SNRPE: variants seen among roughly 807,000 people sequenced by gnomAD.
The protein encoded by SNRPE is small nuclear ribonucleoprotein polypeptide E.
For missense variants in SNRPE, 53 were observed against 111.6 expected, an observed-to-expected ratio of 0.48 and a Z score of 2.36; for synonymous variants, 35 against 36.7, an observed-to-expected ratio of 0.95 and a Z score of 0.17.
chr1:203,868,885 G>A (rs1690150091), intron 4 of SNRPE, among the ~76,000 whole-genome samples: 1 of 152,116 alleles, frequency 6.6e-6, no homozygotes. Flanking sequence ...GTCCAGGCTG[G>A]TCTCGAATCC....
chr1:203,863,256 A>G (rs1179949292), intron 2 of SNRPE, among the ~76,000 whole-genome samples: 1 of 151,876 alleles, frequency 6.6e-6, no homozygotes, highest in Non-Finnish European at 1.5e-5. Context: ...CTGGCCACAA[A>G]GCGAATTATT....
chr1:203,861,911 G>A (rs946752300), intron 1 of SNRPE, 198 bp downstream of exon 1: 18 of 620,806 alleles, frequency 2.9e-5, no homozygotes, highest in African/African-American at 2.2e-4. Flanking sequence ...CCTGCCGTGG[G>A]GAATGCAGGA....
rs374418268 is a variant in SNRPE at position 203,861,647 on chromosome 1, G to T, written c.-13G>T. 21 of 1,611,120 alleles carry T rather than the reference G, an allele frequency of 1.3e-5. No homozygotes were observed. The highest frequency in any genetic ancestry group is 8.3e-5 in the Admixed American group (5 of 60,012). ...GAGGCAGCGTGCGGGTGTGCTCTTT[G>T]TGAAATTCCACCATGGCGTACCGTG... On this transcript the variant is annotated 5_prime_UTR_variant, in exon 1 of 5. Coordinates refer to ENST00000414487, the MANE Select transcript of SNRPE (RefSeq NM_003094.4).
intron 4 of SNRPE, among the ~76,000 whole-genome samples, chr1:203,867,819 C>G (rs549411826): frequency 6.6e-6 from 1 of 152,106 alleles, no homozygotes; most frequent in African/African-American, 2.4e-5. Context: ...GGAAGCCCTG[C>G]TCTAAAAAGT....
intron 4 of SNRPE, among the ~76,000 whole-genome samples, chr1:203,868,990 G>A (rs1690152737): frequency 2.0e-5 from 3 of 152,166 alleles, no homozygotes; most frequent in South Asian, 4.1e-4. Context: ...ATTTAAAGAT[G>A]TCTTGCCAGG....
chr1:203,866,496 A>G lies in SNRPE; in HGVS notation c.223+1377A>G, dbSNP rs372912315. 1.8e-4 allele frequency among the ~76,000 whole-genome samples: 27 copies of G among 152,292 alleles called. 1 individual carries two copies. In the South Asian group the frequency reaches 5.0e-3, roughly 28 times the overall value. On this transcript the variant is annotated intron_variant, in intron 4 of 4. Transcript: ENST00000414487. The stretch of plus-strand genomic sequence containing the variant: ...ATTTGTTTGTCTGGGCCTATTCACC[A>G]TTTCTACTTGAATGTTTCAAAGGCT...
At chr1:203,861,843 C>A in intron 1 of SNRPE, 130 bp downstream of exon 1, 2 of 775,046 alleles carry the variant, frequency 2.6e-6, no homozygotes, top group East Asian at 2.5e-5. Context: ...GCTACCAAGA[C>A]TGGAAGAAAG....
chr1:203,862,331 T>C lies in SNRPE; in HGVS notation c.81+109T>C, dbSNP rs534297189. 69 of 793,622 alleles carry C rather than the reference T, an allele frequency of 8.7e-5. No individual in the cohort carries two copies. The South Asian group carries it at 9.8e-4, about 11-fold the overall frequency. 49.2% of individuals were successfully genotyped at this position (793,622 alleles called of 1,614,324 possible). ...GTGTTCTAGAATTTAAAAATAGATG[T>C]AACTGGAGATTGGAGGGTAATTGAG... On this transcript the variant is annotated intron_variant, in intron 2 of 4. Transcript: ENST00000414487.
At chr1:203,865,843 T>C (rs1690076348) in intron 4 of SNRPE, among the ~76,000 whole-genome samples, 1 of 152,240 alleles carries the variant, frequency 6.6e-6, no homozygotes, top group Non-Finnish European at 1.5e-5. Context: ...TTTACTGGTC[T>C]GTTATAAAGG....
At position 203,861,653 on chromosome 1, in the gene SNRPE, T is replaced by C; in HGVS notation, c.-7T>C. 1.2e-6 allele frequency: 2 copies of C among 1,612,028 alleles called. No individual in the cohort carries two copies. The highest frequency in any genetic ancestry group is 1.7e-6 in the Non-Finnish European group (2 of 1,178,094). On this transcript the variant is annotated 5_prime_UTR_variant, in exon 1 of 5. Coordinates refer to ENST00000414487, the MANE Select transcript of SNRPE (RefSeq NM_003094.4). Reference sequence around the variant, plus strand: ...GCGTGCGGGTGTGCTCTTTGTGAAATTCCACCATGGCGTACCGTGGCCAGG... The same window carrying C: ...GCGTGCGGGTGTGCTCTTTGTGAAACTCCACCATGGCGTACCGTGGCCAGG...
At chr1:203,862,254 TTAAA>T in intron 2 of SNRPE, 32 bp downstream of exon 2, 1 of 1,516,040 alleles carries the variant, frequency 6.6e-7, no homozygotes, top group Non-Finnish European at 9.2e-7. Flanking sequence ...TAACTACTTT[TTAAA>T]TAAGAGGTGA....
chr1:203,862,090 C>T, intron 1 of SNRPE, 106 bp from the exon 2 acceptor site: 1 of 889,588 alleles, frequency 1.1e-6, no homozygotes, highest in Non-Finnish European at 1.9e-6. Flanking sequence ...AGCACCAGAC[C>T]TCGCGTTTAG....
intron 4 of SNRPE, among the ~76,000 whole-genome samples, chr1:203,869,289 C>CTTGTTTTTT (rs1690161785): frequency 1.5e-5 from 1 of 66,814 alleles, no homozygotes; most frequent in African/African-American, 6.0e-5. Context: ...AGGATGGAGT[C>CTTGTTTTTT]TTTTTTTTTT....
At chr1:203,864,994 T>G in intron 3 of SNRPE, 47 bp from the exon 4 acceptor site, 1 of 1,581,306 alleles carries the variant, frequency 6.3e-7, no homozygotes, top group East Asian at 2.3e-5. Flanking sequence ...TTTAAAATGG[T>G]TTGAATGTGA....
intron 1 of SNRPE, chr1:203,861,934 A>G (rs939166145): frequency 1.1e-5 from 7 of 614,060 alleles, no homozygotes; most frequent in African/African-American, 7.4e-5. Context: ...GGACGCGGCA[A>G]AAGGAGGGAA....
chr1:203,862,234 G>T lies in SNRPE; in HGVS notation c.81+12G>T, dbSNP rs370467128. 1.0e-5 allele frequency: 16 copies of T among 1,594,726 alleles called. No homozygotes were observed. In the African/African-American group the frequency reaches 2.0e-4, roughly 20 times the overall value. On this transcript the variant is annotated intron_variant, in intron 2 of 4. Transcript: ENST00000414487. ...GATACTTACAAAATGTACGTAAGTT[G>T]CTTGTTTCGTAACTACTTTTTAAAT...
In SNRPE at chr1:203,869,378, C is replaced by T. The variant is rs1284483500; in HGVS notation, c.224-499C>T. The stretch of plus-strand genomic sequence containing the variant: ...CTGGAGTGCAATGGTGCCATCTTGG[C>T]TCACTGCAACCTCCGCCTCCCGGAT... On this transcript the variant is annotated intron_variant, in intron 4 of 4. Coordinates refer to ENST00000414487, the MANE Select transcript of SNRPE (RefSeq NM_003094.4). Among the ~76,000 whole-genome samples, 3 of 138,966 alleles carry T rather than the reference C, an allele frequency of 2.2e-5. No homozygotes were observed. In the Admixed American group the frequency reaches 2.4e-4, roughly 11 times the overall value. The allele number at this position is 138,966 out of a possible 152,430, so 91.2% of individuals were successfully genotyped here. A position where few individuals can be genotyped will look rare whatever the true frequency, so the allele number is the denominator to read the frequency against.
intron 4 of SNRPE, among the ~76,000 whole-genome samples, chr1:203,865,440 C>T (rs1355566986): frequency 1.3e-5 from 2 of 152,110 alleles, no homozygotes; most frequent in Non-Finnish European, 2.9e-5. Context: ...GCTTTGTTCC[C>T]GTGTCTGAGT....
In SNRPE at chr1:203,861,708, C is replaced by T; in HGVS notation, c.49C>T (p.Pro17Ser). The change falls in exon 1 of 5, where the codon CCC becomes TCC. Residue 17 changes from proline to serine, a missense_variant. Physicochemically the swap from Pro to Ser is moderately conservative, Grantham distance 74. Transcript: ENST00000414487. ...GQKVQKVMVQ[P>S]INLIFRYLQN... is the part of the protein sequence containing the mutation. ...GAAAGTGCAGAAGGTTATGGTGCAG[C>T]CCATCGTATCCTACGCAGGATGTCA... The T allele has an allele frequency of 1.2e-6, 2 of 1,609,336 alleles. No homozygotes were observed. Among genetic ancestry groups the T allele is most frequent in the East Asian group, 2.2e-5 (1 of 44,862 alleles).
Sources: gnomAD v4.1 joint callset for allele counts (sites outside exome capture counted in the v4.1 genomes callset) on GRCh38, gnomAD v4.1.1 for gene constraint, MANE v1.5 for transcripts, NCBI Gene and HGNC (gene_info 2026-07-23, HGNC 2026-07-21) for gene names.